PPM1E: variants seen among roughly 807,000 people sequenced by gnomAD.
PPM1E encodes the protein protein phosphatase, Mg2+/Mn2+ dependent 1E.
In PPM1E, 20 loss-of-function variants were observed where a neutral mutation model predicts 65.9. That is an observed-to-expected ratio of 0.30 (90% confidence interval 0.21 to 0.44). PPM1E has a LOEUF of 0.44. Among genes scored for constraint, PPM1E ranks in the 20% least tolerant of loss-of-function variants. The pLI is 1.00. For synonymous variants in PPM1E, 352 were observed against 374.9 expected (o/e 0.94, Z 0.70); for missense variants, 713 against 953.1 (o/e 0.75, Z 3.32).
chr17:58,843,558 C>A (rs1457176535), intron 1 of PPM1E, among the ~76,000 whole-genome samples: 1 of 151,966 alleles, frequency 6.6e-6, no homozygotes, highest in African/African-American at 2.4e-5. Flanking sequence ...GGCACAGTGG[C>A]TCACACCTGT....
At chr17:58,783,109 G>A (rs2050065783) in intron 1 of PPM1E, among the ~76,000 whole-genome samples, 1 of 152,242 alleles carries the variant, frequency 6.6e-6, no homozygotes, top group South Asian at 2.1e-4. Flanking sequence ...CAACTTTGAG[G>A]AATTATTGAG....
chr17:58,867,993 G>A lies in PPM1E; in HGVS notation c.465-87656G>A, dbSNP rs75409390. Among the ~76,000 whole-genome samples the A allele has an allele frequency of 3.2e-3, 492 of 152,244 alleles. 2 individuals carry two copies. The highest frequency in any genetic ancestry group is 5.1e-3 in the Non-Finnish European group (344 of 68,022). ...TCCAAGGAATAAGACTCTGTAAGAA[G>A]GTGGGATTTATTATTGATAATGCAG... On this transcript the variant is annotated intron_variant, in intron 1 of 6. Coordinates refer to ENST00000308249, the MANE Select transcript of PPM1E (RefSeq NM_014906.5).
chr17:58,816,774 ATATATATATATATATATATATTT>A (rs1472094480), intron 1 of PPM1E, among the ~76,000 whole-genome samples: 151 of 13,838 alleles, frequency 0.011, 4 homozygotes, highest in African/African-American at 0.036. Flanking sequence ...ATATATATAT[ATATATATATATATATATATATTT>A]TTTTTTTTTT....
At chr17:58,890,860 A>G (rs2051336196) in intron 1 of PPM1E, among the ~76,000 whole-genome samples, 1 of 152,078 alleles carries the variant, frequency 6.6e-6, no homozygotes, top group South Asian at 2.1e-4. Flanking sequence ...TTAATTCTTT[A>G]CCAGGATTCT....
At chr17:58,853,456 A>G (rs1336956250) in intron 1 of PPM1E, among the ~76,000 whole-genome samples, 1 of 152,104 alleles carries the variant, frequency 6.6e-6, no homozygotes, top group Non-Finnish European at 1.5e-5. Flanking sequence ...TATTGTATTT[A>G]GTTGTTCTAC....
chr17:58,971,037 A>C (rs1203739009), intron 4 of PPM1E, among the ~76,000 whole-genome samples: 1 of 151,908 alleles, frequency 6.6e-6, no homozygotes, highest in African/African-American at 2.4e-5. Context: ...GGTGTCTCTC[A>C]GTTCTGCCAA....
At chr17:58,880,175 C>T (rs2051178574) in intron 1 of PPM1E, among the ~76,000 whole-genome samples, 1 of 152,146 alleles carries the variant, frequency 6.6e-6, no homozygotes, top group Non-Finnish European at 1.5e-5. Context: ...TCAACTTCAT[C>T]CTTGAGGATA....
chr17:58,947,130 T>A (rs2052164873), intron 1 of PPM1E, among the ~76,000 whole-genome samples: 1 of 145,438 alleles, frequency 6.9e-6, no homozygotes, highest in South Asian at 2.2e-4. Flanking sequence ...TTTTTTTTTT[T>A]TTTTTTTTAG....
In PPM1E at chr17:58,972,260, C is replaced by T; in HGVS notation, c.1101C>T (p.His367=). ...KGQAVELMKP[H]KPDREDEKQR... is the part of the protein sequence containing the mutation. ...AAGCTGTTGAACTAATGAAGCCACA[C>T]AAACCAGACAGAGAGGTAAGTATGG... Residue 367 remains histidine, a synonymous_variant, in exon 5 of 7, where the codon CAC becomes CAT. Transcript: ENST00000308249. The T allele has an allele frequency of 6.2e-7, 1 of 1,613,896 alleles. No individual in the cohort carries two copies. The highest frequency in any genetic ancestry group is 8.5e-7 in the Non-Finnish European group (1 of 1,179,906).
At chr17:58,953,116 C>T (rs1389328043) in intron 1 of PPM1E, among the ~76,000 whole-genome samples, 2 of 152,218 alleles carry the variant, frequency 1.3e-5, no homozygotes, top group East Asian at 1.9e-4. Context: ...ATAATCTTCT[C>T]GTTCCCAGAG....
At chr17:58,793,797 C>T (rs911711714) in intron 1 of PPM1E, among the ~76,000 whole-genome samples, 1 of 151,866 alleles carries the variant, frequency 6.6e-6, no homozygotes, top group Non-Finnish European at 1.5e-5. Flanking sequence ...CTATTTTATC[C>T]ACATCGATAA....
chr17:58,804,811 T>C (rs1245379355), intron 1 of PPM1E, among the ~76,000 whole-genome samples: 5 of 152,220 alleles, frequency 3.3e-5, no homozygotes, highest in African/African-American at 1.2e-4. Context: ...TTTTGTTACA[T>C]AGAATGTGTA....
At chr17:58,836,509 G>A (rs566666095) in intron 1 of PPM1E, among the ~76,000 whole-genome samples, 25 of 150,796 alleles carry the variant, frequency 1.7e-4, no homozygotes, top group African/African-American at 6.1e-4. Context: ...TGTCGCCCAG[G>A]CTGGGAGTGC....
chr17:58,982,341 C>T lies in PPM1E; in HGVS notation c.*1310C>T, dbSNP rs2031405708. On this transcript the variant is annotated 3_prime_UTR_variant, in exon 7 of 7. Transcript: ENST00000308249. ...AAGACAACAAACTATCAGATTCATTCATTCAGTGAAGCAGCCTCTGATTCT... is the reference window on the plus strand; with the variant it reads ...AAGACAACAAACTATCAGATTCATTTATTCAGTGAAGCAGCCTCTGATTCT... 1 of 152,254 alleles carries T rather than the reference C, an allele frequency of 6.6e-6. No homozygotes were observed. The highest frequency in any genetic ancestry group is 1.5e-5 in the Non-Finnish European group (1 of 68,068). The allele number at this position is 152,254 out of a possible 1,614,324, so 9.4% of individuals were successfully genotyped here.
intron 1 of PPM1E, among the ~76,000 whole-genome samples, chr17:58,927,878 G>A (rs1326701819): frequency 3.3e-5 from 5 of 152,000 alleles, no homozygotes; most frequent in Admixed American, 6.6e-5. Flanking sequence ...GGCCAAGATG[G>A]TGAAACCCTC....
intron 1 of PPM1E, among the ~76,000 whole-genome samples, chr17:58,873,743 C>T (rs2037064735): frequency 6.6e-6 from 1 of 150,996 alleles, no homozygotes; most frequent in African/African-American, 2.4e-5. Flanking sequence ...TACAGGTCCG[C>T]ACTACCATGC....
intron 1 of PPM1E, among the ~76,000 whole-genome samples, chr17:58,937,892 A>AAAAAAAAAAAAG (rs57965915): frequency 4.3e-4 from 56 of 129,756 alleles, no homozygotes; most frequent in African/African-American, 6.6e-4. Context: ...AAAAAAAAAA[A>AAAAAAAAAAAAG]AAAGAAAGAA....
rs796715690 is a variant in PPM1E, at chr17:58,985,062, T to G, written c.*4031T>G. The G allele has an allele frequency of 1.3e-5, 2 of 152,804 alleles. No individual in the cohort carries two copies. Among genetic ancestry groups the G allele is most frequent in the African/African-American group, 4.8e-5 (2 of 41,590 alleles). The allele number at this position is 152,804 out of a possible 1,614,324, so 9.5% of individuals were successfully genotyped here. ...TACAAATCTGCTCTACATCTCACTT[T>G]TGAGTTCAGTTGTAGTCATGAGTGA... On this transcript the variant is annotated 3_prime_UTR_variant, in exon 7 of 7. Coordinates refer to ENST00000308249, the MANE Select transcript of PPM1E (RefSeq NM_014906.5).
At chr17:58,856,542 C>T (rs1168798829) in intron 1 of PPM1E, among the ~76,000 whole-genome samples, 1 of 152,144 alleles carries the variant, frequency 6.6e-6, no homozygotes, top group Non-Finnish European at 1.5e-5. Flanking sequence ...TGAATTGTCT[C>T]CACCAAATTC....
Sources: allele counts gnomAD v4.1 joint callset (sites outside exome capture counted in the v4.1 genomes callset), GRCh38; gene constraint gnomAD v4.1.1; transcripts MANE v1.5; gene names NCBI Gene and HGNC (gene_info 2026-07-23, HGNC 2026-07-21).